The following TMC3 variants were observed in gnomAD, a reference collection of about 807,000 sequenced individuals.
TMC3 encodes transmembrane channel like 3.
In TMC3, 98 loss-of-function variants were observed where a neutral mutation model predicts 110.6. The observed-to-expected ratio is 0.89, with a 90% CI of 0.75 to 1.05. TMC3 has a LOEUF of 1.05. TMC3 is among the 50% of genes least tolerant of loss of function. The pLI, the probability that TMC3 is intolerant of heterozygous loss-of-function variation, is 0.00. For missense variants in TMC3, 1,319 were observed against 1,373.2 expected (o/e 0.96, Z 0.62); for synonymous variants, 489 against 513.1 (o/e 0.95, Z 0.63).
chr15:81,339,993 C>A (rs1425347386), intron 16 of TMC3, among the ~76,000 whole-genome samples: 1 of 152,172 alleles, frequency 6.6e-6, no homozygotes, highest in Non-Finnish European at 1.5e-5. Context: ...AACCTCTTAT[C>A]CACTCCGCAT....
At chr15:81,358,784 A>T (rs1894122632) in intron 5 of TMC3, among the ~76,000 whole-genome samples, 1 of 151,492 alleles carries the variant, frequency 6.6e-6, no homozygotes. Flanking sequence ...CTTTTTGAGG[A>T]TGAAGTTTAG....
intron 2 of TMC3, among the ~76,000 whole-genome samples, chr15:81,369,198 C>G (rs1038453010): frequency 2.0e-5 from 3 of 152,106 alleles, no homozygotes; most frequent in Non-Finnish European, 4.4e-5. Flanking sequence ...CTGCGCATCA[C>G]AGCAACCCCC....
chr15:81,358,237 T>G lies in TMC3; in HGVS notation c.655A>C (p.Ile219Leu). 6.2e-7 allele frequency: 1 copy of G among 1,613,396 alleles called. No individual in the cohort carries two copies. The highest frequency in any genetic ancestry group is 8.5e-7 in the Non-Finnish European group (1 of 1,179,582). ...GGCAGCCGGTAGCCAGCTCTCCCGA[T>G]CTTCCTCTCCCTGCCGTAATATCCG... ...FYGYYGRERK[I>L]GRAGYRLPLA... The change falls in exon 7 of 22, where the codon ATC (isoleucine) becomes CTC (leucine). Residue 219 changes from isoleucine to leucine, a missense_variant. Coordinates refer to ENST00000359440, the MANE Select transcript of TMC3 (RefSeq NM_001080532.3).
At chr15:81,359,239 G>T in intron 5 of TMC3, 126 bp downstream of exon 5, 1 of 713,062 alleles carries the variant, frequency 1.4e-6, no homozygotes, top group Non-Finnish European at 2.3e-6. Flanking sequence ...GAAAAAGTTT[G>T]CCAAGCCCTG....
At chr15:81,363,266 A>AT (rs777311159) in intron 3 of TMC3, among the ~76,000 whole-genome samples, 49 of 149,036 alleles carry the variant, frequency 3.3e-4, no homozygotes, top group East Asian at 8.0e-4. Context: ...AAAAAAAAAA[A>AT]TTGTCTTATG....
At position 81,367,033 on chromosome 15, in the gene TMC3, T is replaced by C. The variant is rs533225493; in HGVS notation, c.312+1220A>G. On this transcript the variant is annotated intron_variant, in intron 3 of 21. Coordinates refer to ENST00000359440, the MANE Select transcript of TMC3 (RefSeq NM_001080532.3). ...TTAGAAAATAATCTTTAAATATTTA[T>C]CAAAAGCCAAACAATGGACCACAGT... 2.6e-5 allele frequency among the ~76,000 whole-genome samples: 4 copies of C among 152,290 alleles called. No individual in the cohort carries two copies. The South Asian group carries it at 6.2e-4, about 24-fold the overall frequency.
At position 81,346,364 on chromosome 15, in the gene TMC3, C is replaced by G; in HGVS notation, c.1272+1G>C. ...GGCAACTATCTGGGATGGGCACTCACCTCAATGCTCATGCTGTTAACTTTG... is the reference window on the plus strand; with the variant it reads ...GGCAACTATCTGGGATGGGCACTCAGCTCAATGCTCATGCTGTTAACTTTG... On this transcript the variant is annotated splice_donor_variant, in intron 12 of 21. Transcript: ENST00000359440. LOFTEE classifies it high-confidence loss of function. The G allele has an allele frequency of 6.2e-7, 1 of 1,613,458 alleles. No individual in the cohort carries two copies. Among genetic ancestry groups the G allele is most frequent in the Non-Finnish European group, 8.5e-7 (1 of 1,179,692 alleles).
chr15:81,349,935 C>A (rs538302328), intron 10 of TMC3, among the ~76,000 whole-genome samples: 402 of 134,628 alleles, frequency 3.0e-3, no homozygotes, highest in Non-Finnish European at 5.0e-3. Flanking sequence ...CCAGCCTGGG[C>A]AACACAGCAA....
At chr15:81,371,900 T>G (rs950667753) in intron 2 of TMC3, among the ~76,000 whole-genome samples, 1 of 152,162 alleles carries the variant, frequency 6.6e-6, no homozygotes, top group Non-Finnish European at 1.5e-5. Flanking sequence ...TGCAGGAAGT[T>G]AAGGGCTATT....
rs1489141041 is a variant in TMC3 at position 81,333,083 on chromosome 15, G to A, written c.2639C>T (p.Pro880Leu). The change falls in exon 22 of 22, where the codon CCC (proline) becomes CTC (leucine). Residue 880 changes from proline to leucine, a missense_variant. Pro to Leu is a moderately conservative substitution (Grantham distance 98). Coordinates refer to ENST00000359440, the MANE Select transcript of TMC3 (RefSeq NM_001080532.3). ...PQASTLLAQG[P>L]RPHAPRYYVI... Reference sequence around the variant, plus strand: ...ATAGTATCTGGGGGCGTGGGGCCTGGGACCCTGTGCCAGCAAAGTCGAGGC... The same window carrying A: ...ATAGTATCTGGGGGCGTGGGGCCTGAGACCCTGTGCCAGCAAAGTCGAGGC... The A allele has an allele frequency of 1.9e-6, 3 of 1,613,876 alleles. No homozygotes were observed. The highest frequency in any genetic ancestry group is 2.7e-5 in the African/African-American group (2 of 74,916).
chr15:81,368,426 C>T (rs1290827654), intron 2 of TMC3, 98 bp from the exon 3 acceptor site: 5 of 843,074 alleles, frequency 5.9e-6, no homozygotes, highest in Non-Finnish European at 9.9e-6. Context: ...GCCATCTTGT[C>T]CTGAAAAATG....
intron 3 of TMC3, among the ~76,000 whole-genome samples, chr15:81,367,229 T>C (rs77987838): frequency 0.034 from 5,119 of 152,230 alleles, 135 homozygotes; most frequent in East Asian, 0.16. Flanking sequence ...TTAATATACA[T>C]TTATCTGATG....
At chr15:81,346,472 C>T in intron 11 of TMC3, 29 bp from the exon 12 acceptor site, 2 of 1,607,808 alleles carry the variant, frequency 1.2e-6, no homozygotes, top group Non-Finnish European at 1.7e-6. Context: ...CCTTGAGAAA[C>T]AAGACCATGG....
Position 81,332,174 on chromosome 15 carries a change from C to G in TMC3, c.*245G>C, listed in dbSNP as rs903583882. On this transcript the variant is annotated 3_prime_UTR_variant, in exon 22 of 22. Transcript: ENST00000359440. Reference sequence around the variant, plus strand: ...GCAAGTATTGAGATTGCTGCAGACCCGTGATGATTCACTGCTGGTGACATA... The same window carrying G: ...GCAAGTATTGAGATTGCTGCAGACCGGTGATGATTCACTGCTGGTGACATA... 2.1e-6 allele frequency: 1 copy of G among 473,358 alleles called. No individual in the cohort carries two copies. Among genetic ancestry groups the G allele is most frequent in the Non-Finnish European group, 3.7e-6 (1 of 269,946 alleles). The allele number at this position is 473,358 out of a possible 1,614,324, so 29.3% of individuals were successfully genotyped here.
rs1893476572 is a variant in TMC3, at chr15:81,332,219, G to A, written c.*200C>T. On this transcript the variant is annotated 3_prime_UTR_variant, in exon 22 of 22. Coordinates refer to ENST00000359440, the MANE Select transcript of TMC3 (RefSeq NM_001080532.3). The stretch of plus-strand genomic sequence containing the variant: ...GACATACTTTGGTGCCACCTAACTC[G>A]GATAAATTTGGCTAACAGTAGCTGT... The A allele has an allele frequency of 4.6e-6, 3 of 656,296 alleles. No individual in the cohort carries two copies. Among genetic ancestry groups the A allele is most frequent in the Non-Finnish European group, 7.3e-6 (3 of 412,626 alleles). 40.7% of individuals were successfully genotyped at this position (656,296 alleles called of 1,614,324 possible). A position where few individuals can be genotyped will look rare whatever the true frequency, so the allele number is the denominator to read the frequency against.
intron 3 of TMC3, among the ~76,000 whole-genome samples, chr15:81,365,499 C>A (rs1894291263): frequency 6.6e-6 from 1 of 151,830 alleles, no homozygotes; most frequent in Non-Finnish European, 1.5e-5. Context: ...GGTGAAACCC[C>A]ATCTCTACTA....
At position 81,332,246 on chromosome 15, in the gene TMC3, G is replaced by C. The variant is rs1893477318; in HGVS notation, c.*173C>G. ...ATAAATTTGGCTAACAGTAGCTGTA[G>C]AATAGGTATCTGTAGCCCTGTCAGC... On this transcript the variant is annotated 3_prime_UTR_variant, in exon 22 of 22. Coordinates refer to ENST00000359440, the MANE Select transcript of TMC3 (RefSeq NM_001080532.3). 2 of 951,290 alleles carry C rather than the reference G, an allele frequency of 2.1e-6. No homozygotes were observed. Among genetic ancestry groups the C allele is most frequent in the Non-Finnish European group, 3.0e-6 (2 of 668,092 alleles). The allele number at this position is 951,290 out of a possible 1,614,324, so 58.9% of individuals were successfully genotyped here. A position where few individuals can be genotyped will look rare whatever the true frequency, so the allele number is the denominator to read the frequency against.
intron 17 of TMC3, among the ~76,000 whole-genome samples, 197 bp downstream of exon 17, chr15:81,339,197 A>T (rs1893660637): frequency 6.6e-6 from 1 of 152,244 alleles, no homozygotes; most frequent in Non-Finnish European, 1.5e-5. Flanking sequence ...GTTTTTTAAC[A>T]TGAGCACAGA....
rs1219649372 is a variant in TMC3 at position 81,344,867 on chromosome 15, TC to T, written c.1416del (p.Thr473ProfsTer11). On this transcript the variant is annotated frameshift_variant, in exon 13 of 22. Coordinates refer to ENST00000359440, the MANE Select transcript of TMC3 (RefSeq NM_001080532.3). LOFTEE classifies it high-confidence loss of function. ...LRRNNTWALE[E>X]TSISAYTMPL... ...GGCATGGTATAAGCTGAAATGCTGG[TC>T]TCTTCCAAGGCCCATGTGTTGTTTC... The T allele has an allele frequency of 1.9e-6, 3 of 1,613,960 alleles. No individual in the cohort carries two copies. The Admixed American group carries it at 5.0e-5, about 27-fold the overall frequency.
Sources: allele counts gnomAD v4.1 joint callset (sites outside exome capture counted in the v4.1 genomes callset), GRCh38; gene constraint gnomAD v4.1.1; transcripts MANE v1.5; gene names NCBI Gene and HGNC (gene_info 2026-07-23, HGNC 2026-07-21).